The following RDX variants were observed in gnomAD, a reference collection of about 807,000 sequenced individuals.
RDX encodes the protein radixin.
RDX carries 32 observed loss-of-function variants against 83.7 expected under a neutral mutation model. That is an observed-to-expected ratio of 0.38 (90% CI 0.29 to 0.51). The LOEUF (loss-of-function observed/expected upper bound fraction) is 0.51, where lower values mean the gene tolerates loss of function less well. Among genes scored for constraint, RDX ranks in the 20% least tolerant of loss-of-function variants. The probability of loss-of-function intolerance (pLI) is 0.87; values close to 1 mark genes in which losing one functional copy is unlikely to be tolerated. For missense variants in RDX, 600 were observed against 689.9 expected (o/e 0.87, Z 1.46); for synonymous variants, 229 against 222.7 (o/e 1.03, Z -0.25).
chr11:110,293,990 A>C (rs566208991), intron 1 of RDX, among the ~76,000 whole-genome samples: 1 of 152,244 alleles, frequency 6.6e-6, no homozygotes, highest in Non-Finnish European at 1.5e-5. Context: ...ATTTCAGACT[A>C]TTATATCAGA....
chr11:110,280,552 T>C (rs1414104996), intron 1 of RDX, among the ~76,000 whole-genome samples: 2 of 152,274 alleles, frequency 1.3e-5, no homozygotes, highest in South Asian at 2.1e-4. Flanking sequence ...CCTGGCTTAT[T>C]TTTTCTTCTT....
chr11:110,263,931 A>G (rs1466424107), intron 5 of RDX, 29 bp downstream of exon 5: 1 of 1,603,408 alleles, frequency 6.2e-7, no homozygotes, highest in East Asian at 2.2e-5. Flanking sequence ...ATTTTCAGAC[A>G]ATATAATGCA....
intron 5 of RDX, among the ~76,000 whole-genome samples, chr11:110,262,350 C>T (rs565572443): frequency 2.0e-5 from 3 of 152,090 alleles, no homozygotes; most frequent in South Asian, 2.1e-4. Context: ...TTTGGGAGGC[C>T]GAAGCGGGTG....
At chr11:110,265,282 G>C (rs924907229) in intron 3 of RDX, among the ~76,000 whole-genome samples, 9 of 151,460 alleles carry the variant, frequency 5.9e-5, no homozygotes, top group African/African-American at 2.2e-4. Flanking sequence ...AGTAGAGATG[G>C]GGTTTCACCA....
In RDX at chr11:110,257,832, T is replaced by C; in HGVS notation, c.633A>G (p.Lys211=). ...CACCTAGCCACAATTCAGTTCCTTT[T>C]TTATTTTTTATTTCAAAATAGTTGA... ...YGVNYFEIKN[K]KGTELWLGVD... The change falls in exon 7 of 14, where the codon AAA becomes AAG. Residue 211 remains lysine (K), a synonymous_variant. Coordinates refer to ENST00000645495, the MANE Select transcript of RDX (RefSeq NM_002906.4). 1.2e-6 allele frequency: 2 copies of C among 1,612,890 alleles called. No individual in the cohort carries two copies. The highest frequency in any genetic ancestry group is 1.7e-6 in the Non-Finnish European group (2 of 1,179,478).
intron 9 of RDX, among the ~76,000 whole-genome samples, chr11:110,248,751 A>G (rs149194778): frequency 2.2e-4 from 33 of 152,332 alleles, no homozygotes; most frequent in East Asian, 1.3e-3. Context: ...GGGAAATAAT[A>G]AAGGACTGAA....
Position 110,255,290 on chromosome 11 carries a change from G to C in RDX, c.794C>G (p.Pro265Arg), listed in dbSNP as rs567486858. ...CAAAATATTAAAGAAATTACTTACA[G>C]GTGCCTTTTTGTCGATTGGCTTTAT... ...FVIKPIDKKA[P>R]DFVFYAPRLR... The change falls in exon 8 of 14, where the codon CCT becomes CGT. Residue 265 changes from proline to arginine, a missense_variant and splice_region_variant. By Grantham distance (103) the Pro-to-Arg change is moderately radical (BLOSUM62 -2). Transcript: ENST00000645495. 1 of 1,460,998 alleles carries C rather than the reference G, an allele frequency of 6.8e-7. No individual in the cohort carries two copies. Among genetic ancestry groups the C allele is most frequent in the Non-Finnish European group, 9.6e-7 (1 of 1,042,556 alleles). 90.5% of individuals were successfully genotyped at this position (1,460,998 alleles called of 1,614,324 possible).
At chr11:110,193,341 G>A (rs1159166102) in intron 15 of RDX, among the ~76,000 whole-genome samples, 3 of 152,052 alleles carry the variant, frequency 2.0e-5, no homozygotes, top group Admixed American at 6.5e-5. Flanking sequence ...ATTAAGATGG[G>A]AACAACAGAC....
intron 15 of RDX, among the ~76,000 whole-genome samples, chr11:110,176,407 C>T (rs1438193862): frequency 6.6e-6 from 1 of 152,096 alleles, no homozygotes; most frequent in African/African-American, 2.4e-5. Context: ...CAGGCAGTAC[C>T]CCTCCTGGCT....
intron 14 of RDX, among the ~76,000 whole-genome samples, chr11:110,201,904 T>TGTGTGC (rs1863422173): frequency 3.2e-4 from 1 of 3,150 alleles, no homozygotes; most frequent in Non-Finnish European, 5.7e-4. Context: ...CGGCTAATTT[T>TGTGTGC]GTGTGTGTGT....
chr11:110,208,725 G>C (rs1185397433), intron 14 of RDX, among the ~76,000 whole-genome samples: 1 of 152,202 alleles, frequency 6.6e-6, no homozygotes, highest in East Asian at 1.9e-4. Flanking sequence ...TTGGGAGGCT[G>C]TCAGGCGGAT....
At chr11:110,191,356 C>A (rs1012956606) in intron 15 of RDX, among the ~76,000 whole-genome samples, 2 of 152,198 alleles carry the variant, frequency 1.3e-5, no homozygotes, top group African/African-American at 4.8e-5. Flanking sequence ...GCAGAAAAAT[C>A]TTTTGATAAA....
Position 110,254,076 on chromosome 11 carries a change from T to C in RDX, c.829A>G (p.Asn277Asp). 6.2e-7 allele frequency: 1 copy of C among 1,613,752 alleles called. No homozygotes were observed. The highest frequency in any genetic ancestry group is 8.5e-7 in the Non-Finnish European group (1 of 1,179,828). The change falls in exon 9 of 14, where the codon AAT becomes GAT. Residue 277 changes from asparagine (N) to aspartate (D), a missense_variant. Physicochemically the swap from Asn to Asp is conservative, Grantham distance 23 (BLOSUM62 1). Coordinates refer to ENST00000645495, the MANE Select transcript of RDX (RefSeq NM_002906.4). ...FVFYAPRLRI[N>D]KRILALCMGN... ...ATACATAAGGCCAAAATCCGCTTATTGATTCTCAGACGAGGTGCATAAAAC... is the reference window on the plus strand; with the variant it reads ...ATACATAAGGCCAAAATCCGCTTATCGATTCTCAGACGAGGTGCATAAAAC...
At chr11:110,272,905 A>C (rs752343136) in intron 2 of RDX, 7 of 482,358 alleles carry the variant, frequency 1.5e-5, no homozygotes, top group Non-Finnish European at 2.8e-5. Context: ...AGTTTCCATT[A>C]TTCACCTAAG....
chr11:110,283,836 C>A (rs1308861804), intron 1 of RDX, among the ~76,000 whole-genome samples: 1 of 150,846 alleles, frequency 6.6e-6, no homozygotes, highest in East Asian at 1.9e-4. Flanking sequence ...TATTTTAAAT[C>A]TCTACATAGG....
intron 2 of RDX, among the ~76,000 whole-genome samples, chr11:110,275,708 T>C (rs1242904854): frequency 6.6e-6 from 1 of 152,088 alleles, no homozygotes; most frequent in Admixed American, 6.6e-5. Context: ...GTGTCCTTTA[T>C]GATAAACTGA....
In RDX at chr11:110,279,751, C is replaced by A; in HGVS notation, c.-59G>T. The A allele has an allele frequency of 9.4e-7, 1 of 1,060,042 alleles. No individual in the cohort carries two copies. The highest frequency in any genetic ancestry group is 1.4e-6 in the Non-Finnish European group (1 of 701,624). 65.7% of individuals were successfully genotyped at this position (1,060,042 alleles called of 1,614,324 possible). ...TCTCCACTTCAATGAATTCTGTTATCACTTTCTGTTAAAAAAAAAAAAGCA... is the reference window on the plus strand; with the variant it reads ...TCTCCACTTCAATGAATTCTGTTATAACTTTCTGTTAAAAAAAAAAAAGCA... On this transcript the variant is annotated 5_prime_UTR_variant, in exon 2 of 14. Coordinates refer to ENST00000645495, the MANE Select transcript of RDX (RefSeq NM_002906.4).
intron 3 of RDX, among the ~76,000 whole-genome samples, chr11:110,265,900 T>C (rs1234473841): frequency 6.6e-6 from 1 of 152,208 alleles, no homozygotes; most frequent in Non-Finnish European, 1.5e-5. Flanking sequence ...TCTATCATAA[T>C]TGTGTTATTA....
chr11:110,199,802 T>C (rs188669597), intron 14 of RDX: 1 of 687,102 alleles, frequency 1.5e-6, no homozygotes, highest in Admixed American at 2.0e-5. Flanking sequence ...TCAGCCTGGA[T>C]TATGTAGGGC....
Sources: gnomAD v4.1 joint callset for allele counts (sites outside exome capture counted in the v4.1 genomes callset) on GRCh38, gnomAD v4.1.1 for gene constraint, MANE v1.5 for transcripts, NCBI Gene and HGNC (gene_info 2026-07-23, HGNC 2026-07-21) for gene names.